CLIC5: variants seen among roughly 807,000 people sequenced by gnomAD.
CLIC5 encodes chloride intracellular channel protein 5.
In CLIC5, 20 loss-of-function variants were observed where a neutral mutation model predicts 24.7. The observed-to-expected ratio is 0.81, with a 90% CI of 0.57 to 1.18. The LOEUF is 1.18. CLIC5 is among the 50% of genes most tolerant of loss of function. The pLI is 0.00. For synonymous variants in CLIC5, 159 were observed against 135.6 expected, an observed-to-expected ratio of 1.17 and a Z score of -1.20; for missense variants, 341 against 326.1, an observed-to-expected ratio of 1.05 and a Z score of -0.35.
At chr6:45,993,636 TC>T (rs761767399) in intron 1 of CLIC5, among the ~76,000 whole-genome samples, 13 of 152,208 alleles carry the variant, frequency 8.5e-5, no homozygotes, top group Non-Finnish European at 1.9e-4. Flanking sequence ...ACAGCATCAT[TC>T]AATCACATTT....
At chr6:45,924,320 G>A (rs567664460) in intron 4 of CLIC5, among the ~76,000 whole-genome samples, 155 of 152,174 alleles carry the variant, frequency 1.0e-3, no homozygotes, top group Non-Finnish European at 1.9e-3. Context: ...TTAAAGGTTG[G>A]GGGTGACTGA....
intron 4 of CLIC5, among the ~76,000 whole-genome samples, chr6:45,936,102 AAG>A (rs945766963): frequency 8.5e-5 from 13 of 152,050 alleles, no homozygotes; most frequent in African/African-American, 3.1e-4. Context: ...TAATCATCTA[AAG>A]ATGTATAACC....
At chr6:46,057,195 G>A (rs1483265318) in intron 1 of CLIC5, among the ~76,000 whole-genome samples, 1 of 152,168 alleles carries the variant, frequency 6.6e-6, no homozygotes, top group African/African-American at 2.4e-5. Flanking sequence ...AACTTTAATT[G>A]TATCCCCCAG....
At chr6:46,037,055 G>A (rs116013213) in intron 1 of CLIC5, among the ~76,000 whole-genome samples, 122 of 151,850 alleles carry the variant, frequency 8.0e-4, no homozygotes, top group Middle Eastern at 6.8e-3. Flanking sequence ...TTCAACCAAA[G>A]GTCTTCATAT....
At chr6:46,018,821 C>CA (rs573036290), upstream of CLIC5, 127 of 152,278 alleles carry the variant, frequency 8.3e-4, 1 homozygote, top group African/African-American at 2.3e-3. Flanking sequence ...GAAAGGGTGA[C>CA]ATGCAAATCT....
the CLIC5 span, among the ~76,000 whole-genome samples, chr6:46,090,624 C>T: frequency 0.76 from 116,355 of 152,184 alleles, 45,362 homozygotes; most frequent in African/African-American, 0.92. Flanking sequence ...ATGCACAACA[C>T]GATGCCTTAA....
chr6:45,975,123 G>A (rs1042260742), intron 1 of CLIC5, among the ~76,000 whole-genome samples: 1 of 152,140 alleles, frequency 6.6e-6, no homozygotes, highest in Non-Finnish European at 1.5e-5. Flanking sequence ...ATATGAAGAG[G>A]AAAACCCCTC....
the CLIC5 span, among the ~76,000 whole-genome samples, chr6:46,127,205 G>C: frequency 1.3e-5 from 2 of 152,004 alleles, no homozygotes; most frequent in Non-Finnish European, 2.9e-5. Context: ...CCATTACCTC[G>C]AGTATTTATC....
In CLIC5 at chr6:46,000,099, G is replaced by A. The variant is rs149754730; in HGVS notation, c.63+15381C>T. ...TTTTCTGTTATCTCCTTACTGTATT[G>A]TAATAATACCATATATAATGCATAT... On this transcript the variant is annotated intron_variant, in intron 1 of 5. Coordinates refer to ENST00000339561, the MANE Select transcript of CLIC5 (RefSeq NM_016929.5). 5.3e-5 allele frequency among the ~76,000 whole-genome samples: 8 copies of A among 152,186 alleles called. No homozygotes were observed. In the East Asian group the frequency reaches 1.5e-3, roughly 29 times the overall value.
At chr6:46,039,786 A>G (rs1200868479) in intron 1 of CLIC5, among the ~76,000 whole-genome samples, 1 of 152,254 alleles carries the variant, frequency 6.6e-6, no homozygotes, top group Non-Finnish European at 1.5e-5. Context: ...ATGAGATCAT[A>G]GGAAATAAAT....
chr6:45,914,583 T>C (rs1342895892), intron 4 of CLIC5, 174 bp from the exon 5 acceptor site: 18 of 1,213,964 alleles, frequency 1.5e-5, no homozygotes, highest in Non-Finnish European at 1.6e-5. Context: ...AGAAGTGTAC[T>C]AAATAGGCTG....
intron 1 of CLIC5, among the ~76,000 whole-genome samples, chr6:46,036,938 A>T (rs893886573): frequency 6.6e-6 from 1 of 152,342 alleles, no homozygotes; most frequent in African/African-American, 2.4e-5. Flanking sequence ...TCTCCTTAGT[A>T]TAGTCTATAA....
intron 5 of CLIC5, among the ~76,000 whole-genome samples, chr6:45,913,594 G>T (rs999469947): frequency 2.0e-5 from 3 of 152,198 alleles, no homozygotes; most frequent in Non-Finnish European, 4.4e-5. Context: ...TGAAGTGGGA[G>T]ATTGTTTTGG....
chr6:46,120,039 C>T, the CLIC5 span, among the ~76,000 whole-genome samples: 1 of 152,212 alleles, frequency 6.6e-6, no homozygotes, highest in Non-Finnish European at 1.5e-5. Context: ...CAGCAAAAAC[C>T]TCTGCAGACT....
chr6:46,125,930 C>A, the CLIC5 span, among the ~76,000 whole-genome samples: 20,221 of 152,154 alleles, frequency 0.13, 1,813 homozygotes, highest in South Asian at 0.32. Context: ...GTCTTTATGG[C>A]CTGGACTGAG....
At chr6:46,023,298 A>G (rs1451870680) in intron 1 of CLIC5, among the ~76,000 whole-genome samples, 3 of 152,204 alleles carry the variant, frequency 2.0e-5, no homozygotes, top group Non-Finnish European at 2.9e-5. Context: ...CTTCATTTCT[A>G]TAATAACCCT....
the CLIC5 span, among the ~76,000 whole-genome samples, chr6:46,094,306 G>A: frequency 6.6e-6 from 1 of 152,162 alleles, no homozygotes; most frequent in African/African-American, 2.4e-5. Context: ...ATACAATCAT[G>A]CCTTCCTAAC....
chr6:46,021,206 T>C (rs1202090410), intron 1 of CLIC5, among the ~76,000 whole-genome samples: 1 of 151,818 alleles, frequency 6.6e-6, no homozygotes, highest in African/African-American at 2.4e-5. Flanking sequence ...CGTTCTTCAG[T>C]AGAGCAATGC....
chr6:45,976,993 C>T (rs1200144515), intron 1 of CLIC5, among the ~76,000 whole-genome samples: 1 of 152,180 alleles, frequency 6.6e-6, no homozygotes, highest in Non-Finnish European at 1.5e-5. Context: ...GTAGTTCATA[C>T]AGATCTGCCC....
Sources: gnomAD v4.1 joint callset for allele counts (sites outside exome capture counted in the v4.1 genomes callset) on GRCh38, gnomAD v4.1.1 for gene constraint, MANE v1.5 for transcripts, NCBI Gene and HGNC (gene_info 2026-07-23, HGNC 2026-07-21) for gene names.